TMEM178B: variants seen among roughly 807,000 people sequenced by gnomAD.
The protein encoded by TMEM178B is transmembrane protein 178B.
TMEM178B carries 5 observed loss-of-function variants against 31.0 expected under a neutral mutation model. That is an observed-to-expected ratio of 0.16 (90% CI 0.08 to 0.34). The LOEUF (loss-of-function observed/expected upper bound fraction) is 0.34, where lower values mean the gene tolerates loss of function less well. Ranked by LOEUF, TMEM178B falls within the 10% of genes least tolerant of loss-of-function variation. The pLI is 1.00. For synonymous variants in TMEM178B, 164 were observed against 164.0 expected (o/e 1.00, Z 0.00); for missense variants, 275 against 400.3 (o/e 0.69, Z 2.67).
intron 1 of TMEM178B, among the ~76,000 whole-genome samples, chr7:141,178,941 A>C (rs1258426366): frequency 6.6e-6 from 1 of 152,214 alleles, no homozygotes; most frequent in African/African-American, 2.4e-5. Flanking sequence ...AAGAATGTGC[A>C]CTTTCTGTGA....
intron 1 of TMEM178B, among the ~76,000 whole-genome samples, chr7:141,150,301 A>T (rs1795948158): frequency 1.3e-5 from 2 of 152,146 alleles, no homozygotes. Flanking sequence ...CCAATGTCGG[A>T]TATTCTTGAC....
the TMEM178B span, among the ~76,000 whole-genome samples, chr7:141,491,856 C>G: frequency 7.9e-5 from 12 of 152,158 alleles, no homozygotes; most frequent in Non-Finnish European, 1.3e-4. Flanking sequence ...ATCGCGTGCC[C>G]TTTCACCTGC....
intron 2 of TMEM178B, among the ~76,000 whole-genome samples, chr7:141,390,791 T>C (rs1242081496): frequency 6.6e-6 from 1 of 152,238 alleles, no homozygotes; most frequent in Non-Finnish European, 1.5e-5. Context: ...AAATTTATGC[T>C]TCTCTACCTC....
At chr7:141,440,291 G>T (rs1801633702) in intron 3 of TMEM178B, among the ~76,000 whole-genome samples, 1 of 152,182 alleles carries the variant, frequency 6.6e-6, no homozygotes, top group African/African-American at 2.4e-5. Flanking sequence ...GCTTACCTTT[G>T]TCCAGGCAGT....
intron 1 of TMEM178B, among the ~76,000 whole-genome samples, chr7:141,134,294 G>A (rs1400121365): frequency 1.3e-5 from 2 of 151,826 alleles, no homozygotes; most frequent in Non-Finnish European, 2.9e-5. Flanking sequence ...ACAATGTGCA[G>A]AAAGGGGGGA....
At chr7:141,311,346 C>T (rs1347941421) in intron 2 of TMEM178B, among the ~76,000 whole-genome samples, 1 of 152,128 alleles carries the variant, frequency 6.6e-6, no homozygotes, top group Non-Finnish European at 1.5e-5. Flanking sequence ...AAAATGGCCT[C>T]TTGTTTTAAT....
chr7:141,402,588 G>A (rs1800805695), intron 2 of TMEM178B, among the ~76,000 whole-genome samples: 1 of 152,254 alleles, frequency 6.6e-6, no homozygotes, highest in Non-Finnish European at 1.5e-5. Flanking sequence ...TGAGCAAGGG[G>A]AGGAGAGAGG....
chr7:141,187,132 C>T (rs1796622982), intron 1 of TMEM178B, among the ~76,000 whole-genome samples: 2 of 136,520 alleles, frequency 1.5e-5, no homozygotes, highest in South Asian at 2.5e-4. Flanking sequence ...TGATGTTCCC[C>T]TTCCTGTGTC....
At chr7:141,489,960 C>T in the TMEM178B span, among the ~76,000 whole-genome samples, 36 of 152,342 alleles carry the variant, frequency 2.4e-4, no homozygotes, top group African/African-American at 7.7e-4. Flanking sequence ...TTAATGCTTG[C>T]TCATTTGTAT....
In TMEM178B at chr7:141,472,584, A is replaced by G. The variant is rs1334601875; in HGVS notation, c.*1798A>G. 3 of 152,154 alleles carry G rather than the reference A, an allele frequency of 2.0e-5. No individual in the cohort carries two copies. The highest frequency in any genetic ancestry group is 1.9e-4 in the East Asian group (1 of 5,178). The allele number at this position is 152,154 out of a possible 1,614,324, so 9.4% of individuals were successfully genotyped here. A position where few individuals can be genotyped will look rare whatever the true frequency, so the allele number is the denominator to read the frequency against. On this transcript the variant is annotated 3_prime_UTR_variant, in exon 4 of 4. Transcript: ENST00000565468. The stretch of plus-strand genomic sequence containing the variant: ...CCCTGAGCTGGTGTAGCCATGGTCA[A>G]CTGTGTAGCAGAGAATCCCCTTGTT...
chr7:141,173,726 C>T (rs965483985), intron 1 of TMEM178B, among the ~76,000 whole-genome samples: 1 of 152,026 alleles, frequency 6.6e-6, no homozygotes, highest in Non-Finnish European at 1.5e-5. Context: ...ATTGGTTGGC[C>T]AAGTTTGCCA....
intron 1 of TMEM178B, among the ~76,000 whole-genome samples, chr7:141,141,711 T>C (rs897945274): frequency 6.6e-6 from 1 of 152,162 alleles, no homozygotes; most frequent in Non-Finnish European, 1.5e-5. Context: ...GAGCTTGCAA[T>C]GTTCATTCAA....
chr7:141,205,323 C>T (rs532577065), intron 1 of TMEM178B, among the ~76,000 whole-genome samples: 1 of 152,324 alleles, frequency 6.6e-6, no homozygotes, highest in South Asian at 2.1e-4. Context: ...TACATTGGGC[C>T]ATCACGTTCC....
chr7:141,390,529 C>T (rs185295398), intron 2 of TMEM178B, among the ~76,000 whole-genome samples: 1 of 152,252 alleles, frequency 6.6e-6, no homozygotes, highest in Non-Finnish European at 1.5e-5. Context: ...CCCAGCCCTT[C>T]CAGGGGCCGC....
chr7:141,141,536 A>G (rs28555492), intron 1 of TMEM178B, among the ~76,000 whole-genome samples: 9,309 of 152,182 alleles, frequency 0.061, 956 homozygotes, highest in African/African-American at 0.21. Flanking sequence ...GTTATGATTC[A>G]TTTGCTTTCC....
intron 2 of TMEM178B, among the ~76,000 whole-genome samples, chr7:141,299,063 C>A (rs745506826): frequency 5.9e-5 from 9 of 152,074 alleles, no homozygotes; most frequent in Non-Finnish European, 1.3e-4. Flanking sequence ...TGGAAAAGAT[C>A]TATTTTGGGG....
chr7:141,091,216 A>G (rs149285653), intron 1 of TMEM178B, among the ~76,000 whole-genome samples: 45 of 152,330 alleles, frequency 3.0e-4, no homozygotes, highest in African/African-American at 1.1e-3. Context: ...ACCATTGGGT[A>G]GGCATTTCTG....
chr7:141,246,408 A>G (rs1305444234), intron 2 of TMEM178B, among the ~76,000 whole-genome samples: 4 of 152,238 alleles, frequency 2.6e-5, no homozygotes, highest in Non-Finnish European at 5.9e-5. Context: ...TTCTGAGACT[A>G]CGAAAGGGTA....
At chr7:141,097,037 C>T (rs10268155) in intron 1 of TMEM178B, among the ~76,000 whole-genome samples, 1 of 149,942 alleles carries the variant, frequency 6.7e-6, no homozygotes, top group Admixed American at 6.6e-5. Flanking sequence ...CTGCAGTGAG[C>T]TATGATTGCA....
Sources: allele counts gnomAD v4.1 joint callset (sites outside exome capture counted in the v4.1 genomes callset), GRCh38; gene constraint gnomAD v4.1.1; transcripts MANE v1.5; gene names NCBI Gene and HGNC (gene_info 2026-07-23, HGNC 2026-07-21).